MAGI2: variants seen among roughly 807,000 people sequenced by gnomAD.
The protein encoded by MAGI2 is membrane-associated guanylate kinase, WW and PDZ domain-containing protein 2.
In MAGI2, 35 loss-of-function variants were observed where a neutral mutation model predicts 133.3. That is an observed-to-expected ratio of 0.26 (90% CI 0.20 to 0.35). The LOEUF is 0.35. MAGI2 is among the 10% of genes least tolerant of loss of function. MAGI2 has a pLI of 1.00. For synonymous variants in MAGI2, 729 were observed against 710.6 expected (o/e 1.03, Z -0.41); for missense variants, 1,636 against 1,863.4 (o/e 0.88, Z 2.25).
At chr7:79,009,474 C>T (rs555002446) in intron 1 of MAGI2, among the ~76,000 whole-genome samples, 2 of 152,220 alleles carry the variant, frequency 1.3e-5, no homozygotes, top group African/African-American at 2.4e-5. Context: ...TTCCCAAATG[C>T]TTTATTATCC....
intron 2 of MAGI2, among the ~76,000 whole-genome samples, chr7:78,746,304 TAATACTAACGAAGTCA>T (rs1280672341): frequency 6.6e-6 from 1 of 152,192 alleles, no homozygotes; most frequent in African/African-American, 2.4e-5. Flanking sequence ...AAAAGAGCAG[TAATACTAACGAAGTCA>T]AATACACTGC....
intron 1 of MAGI2, chr7:79,008,931 G>A (rs1032922693): frequency 2.0e-5 from 3 of 151,956 alleles, no homozygotes; most frequent in African/African-American, 4.8e-5. Context: ...TACTGAGTAA[G>A]CATCATGCCT....
chr7:78,664,270 A>C (rs946185629), intron 2 of MAGI2, among the ~76,000 whole-genome samples: 1 of 152,122 alleles, frequency 6.6e-6, no homozygotes, highest in African/African-American at 2.4e-5. Context: ...AGTTATCCTC[A>C]CCAGTTATAT....
At chr7:79,010,606 T>C (rs931234828) in intron 1 of MAGI2, among the ~76,000 whole-genome samples, 2 of 152,136 alleles carry the variant, frequency 1.3e-5, no homozygotes, top group Non-Finnish European at 2.9e-5. Flanking sequence ...TAATGATTCC[T>C]AGATTTGGTA....
intron 10 of MAGI2, among the ~76,000 whole-genome samples, chr7:78,210,202 A>G (rs963974122): frequency 3.3e-5 from 5 of 152,184 alleles, no homozygotes; most frequent in Non-Finnish European, 7.3e-5. Flanking sequence ...GAGATATTAT[A>G]CCTATTTTCT....
At chr7:78,860,950 C>T (rs1408274241) in intron 2 of MAGI2, among the ~76,000 whole-genome samples, 3 of 152,178 alleles carry the variant, frequency 2.0e-5, no homozygotes, top group Admixed American at 1.3e-4. Flanking sequence ...ATGGCGGGCA[C>T]CCCTCCCCAA....
At chr7:79,045,658 G>A (rs1459660710) in intron 1 of MAGI2, among the ~76,000 whole-genome samples, 1 of 152,114 alleles carries the variant, frequency 6.6e-6, no homozygotes, top group African/African-American at 2.4e-5. Context: ...CGGGCCTGGT[G>A]GCGGGCACCT....
Position 78,018,277 on chromosome 7 carries a change from CTG to C in MAGI2, c.*1036_*1037del. 1 of 152,684 alleles carries C rather than the reference CTG, an allele frequency of 6.5e-6. No homozygotes were observed. The highest frequency in any genetic ancestry group is 2.4e-5 in the African/African-American group (1 of 41,564). The allele number at this position is 152,684 out of a possible 1,614,324, so 9.5% of individuals were successfully genotyped here. A position where few individuals can be genotyped will look rare whatever the true frequency, so the allele number is the denominator to read the frequency against. ...GATTGTAATTTTTTAATATTATAAT[CTG>C]AGAAATATAAGACAAATACTCTGCC... On this transcript the variant is annotated 3_prime_UTR_variant, in exon 22 of 22. Transcript: ENST00000354212.
chr7:78,911,309 T>C (rs1432774631), intron 2 of MAGI2, among the ~76,000 whole-genome samples: 2 of 152,198 alleles, frequency 1.3e-5, no homozygotes, highest in African/African-American at 2.4e-5. Flanking sequence ...ATCTGAATAT[T>C]TGTATTCTCC....
chr7:78,860,575 C>T (rs1293969032), intron 2 of MAGI2, among the ~76,000 whole-genome samples: 1 of 152,162 alleles, frequency 6.6e-6, no homozygotes, highest in Non-Finnish European at 1.5e-5. Flanking sequence ...TGCAGAACGG[C>T]AGATGTTGCT....
intron 1 of MAGI2, among the ~76,000 whole-genome samples, chr7:79,072,911 GTTGTCCCT>G (rs1320628695): frequency 6.6e-6 from 1 of 152,170 alleles, no homozygotes. Context: ...AGGTTCAGTA[GTTGTCCCT>G]GTTCCAGTTG....
At chr7:78,648,857 T>C (rs1811190497) in intron 2 of MAGI2, among the ~76,000 whole-genome samples, 1 of 152,298 alleles carries the variant, frequency 6.6e-6, no homozygotes, top group Middle Eastern at 3.4e-3. Context: ...CCTCTTCCCA[T>C]CTGCTCTATA....
rs1328500837 is a variant in MAGI2 at position 78,018,897 on chromosome 7, A to C, written c.*418T>G. On this transcript the variant is annotated 3_prime_UTR_variant, in exon 22 of 22. Coordinates refer to ENST00000354212, the MANE Select transcript of MAGI2 (RefSeq NM_012301.4). ...GTCTCAGTTTCAGCTTGCTCCGTGC[A>C]GTTTGATTTTTAAGGCGATATTCCA... The C allele has an allele frequency of 8.0e-6, 3 of 375,872 alleles. No individual in the cohort carries two copies. The highest frequency in any genetic ancestry group is 6.3e-5 in the African/African-American group (3 of 47,900). The allele number at this position is 375,872 out of a possible 1,614,324, so 23.3% of individuals were successfully genotyped here.
At chr7:78,864,198 G>A (rs1480094449) in intron 2 of MAGI2, among the ~76,000 whole-genome samples, 1 of 152,090 alleles carries the variant, frequency 6.6e-6, no homozygotes, top group Non-Finnish European at 1.5e-5. Context: ...GCAAAATATT[G>A]CCTGGCAGGT....
chr7:78,215,749 C>T (rs1788208476), intron 10 of MAGI2, among the ~76,000 whole-genome samples: 2 of 152,120 alleles, frequency 1.3e-5, no homozygotes, highest in South Asian at 4.2e-4. Context: ...CACTGTTTTG[C>T]CACTCTGTTT....
chr7:78,813,279 A>G (rs1053159595), intron 2 of MAGI2, among the ~76,000 whole-genome samples: 1 of 152,206 alleles, frequency 6.6e-6, no homozygotes, highest in African/African-American at 2.4e-5. Context: ...ATTAATATAG[A>G]TGTGAAAATC....
intron 1 of MAGI2, among the ~76,000 whole-genome samples, chr7:79,138,976 C>CAAAAA (rs57907314): frequency 4.6e-5 from 3 of 65,182 alleles, no homozygotes; most frequent in Non-Finnish European, 6.1e-5. Context: ...ACTCTTGTCT[C>CAAAAA]AAAAAAAAAA....
intron 2 of MAGI2, among the ~76,000 whole-genome samples, chr7:78,861,705 G>T (rs1794167261): frequency 6.6e-6 from 1 of 152,094 alleles, no homozygotes; most frequent in African/African-American, 2.4e-5. Flanking sequence ...TTGTTTTAAG[G>T]ATGAAATTAG....
At chr7:78,276,221 A>T (rs1299826337) in intron 9 of MAGI2, among the ~76,000 whole-genome samples, 1 of 152,224 alleles carries the variant, frequency 6.6e-6, no homozygotes, top group Non-Finnish European at 1.5e-5. Flanking sequence ...TTGAGTCAAG[A>T]TATTGGAAAA....
Sources: allele counts gnomAD v4.1 joint callset (sites outside exome capture counted in the v4.1 genomes callset), GRCh38; gene constraint gnomAD v4.1.1; transcripts MANE v1.5; gene names NCBI Gene and HGNC (gene_info 2026-07-23, HGNC 2026-07-21).